The following PPM1L variants were observed in gnomAD, a reference collection of about 807,000 sequenced individuals.
The protein encoded by PPM1L is protein phosphatase 1L.
A neutral mutation model predicts 31.4 loss-of-function variants in PPM1L; 13 were observed. The ratio of observed to expected loss-of-function variants is 0.41; its 90% CI spans 0.27 to 0.66. PPM1L has a LOEUF of 0.66. Among genes scored for constraint, PPM1L ranks in the 30% least tolerant of loss-of-function variants. PPM1L has a pLI of 0.29. For missense variants in PPM1L, 326 were observed against 453.7 expected (o/e 0.72, Z 2.56); for synonymous variants, 184 against 175.4 (o/e 1.05, Z -0.39).
At chr3:160,988,391 T>C (rs1229461069) in intron 2 of PPM1L, among the ~76,000 whole-genome samples, 7 of 152,190 alleles carry the variant, frequency 4.6e-5, no homozygotes, top group African/African-American at 1.4e-4. Flanking sequence ...CACTTCACAG[T>C]TGCTATAGAT....
intron 1 of PPM1L, among the ~76,000 whole-genome samples, chr3:160,836,447 T>C (rs902261101): frequency 6.6e-6 from 1 of 152,206 alleles, no homozygotes; most frequent in Non-Finnish European, 1.5e-5. Context: ...AAGAAGGCTC[T>C]TGTGCTTTTG....
rs1559948333 is a variant in PPM1L, at chr3:161,078,198, A to AG, written c.*9042dup. The AG allele has an allele frequency of 6.6e-6, 1 of 152,248 alleles. No homozygotes were observed. Among genetic ancestry groups the AG allele is most frequent in the East Asian group, 1.9e-4 (1 of 5,204 alleles). 9.4% of individuals were successfully genotyped at this position (152,248 alleles called of 1,614,324 possible). The stretch of plus-strand genomic sequence containing the variant: ...AGTTATTAAGGATGGAAAGGAGGAA[A>AG]GCACAGAGTGAGGAGAGAAAAAGGG... On this transcript the variant is annotated 3_prime_UTR_variant, in exon 4 of 4. Transcript: ENST00000498165.
chr3:160,860,764 G>A (rs958743291), intron 1 of PPM1L, among the ~76,000 whole-genome samples: 1 of 152,156 alleles, frequency 6.6e-6, no homozygotes, highest in African/African-American at 2.4e-5. Context: ...TGGCAGATCT[G>A]GTGTCTGATG....
intron 1 of PPM1L, among the ~76,000 whole-genome samples, chr3:160,857,678 C>A (rs556415771): frequency 1.3e-5 from 2 of 152,170 alleles, no homozygotes; most frequent in South Asian, 4.2e-4. Context: ...AGGCATGGTG[C>A]CTGCTCTTAA....
intron 1 of PPM1L, among the ~76,000 whole-genome samples, chr3:160,943,246 A>T (rs898139377): frequency 6.6e-6 from 1 of 152,196 alleles, no homozygotes; most frequent in Non-Finnish European, 1.5e-5. Flanking sequence ...TGTGTTCCCA[A>T]GGTAGCCCTA....
intron 1 of PPM1L, among the ~76,000 whole-genome samples, chr3:160,933,865 A>G (rs1401634856): frequency 2.0e-5 from 3 of 152,244 alleles, no homozygotes; most frequent in African/African-American, 7.2e-5. Context: ...TGAATTTAAA[A>G]TGACTGAATT....
intron 1 of PPM1L, among the ~76,000 whole-genome samples, chr3:160,814,741 A>G (rs978762798): frequency 4.7e-5 from 7 of 147,396 alleles, no homozygotes; most frequent in Non-Finnish European, 8.9e-5. Context: ...ATATGTATAT[A>G]TGTGTATATA....
At chr3:160,939,262 T>C (rs1715079727) in intron 1 of PPM1L, among the ~76,000 whole-genome samples, 2 of 152,178 alleles carry the variant, frequency 1.3e-5, no homozygotes, top group African/African-American at 4.8e-5. Flanking sequence ...TCCCTCCAGC[T>C]CTATAACTCT....
intron 2 of PPM1L, among the ~76,000 whole-genome samples, chr3:160,984,260 T>C (rs1243444131): frequency 6.6e-6 from 1 of 152,168 alleles, no homozygotes; most frequent in Non-Finnish European, 1.5e-5. Context: ...TCCAGGGCTG[T>C]TAATTATTAA....
intron 1 of PPM1L, among the ~76,000 whole-genome samples, chr3:160,918,173 T>C (rs1170458260): frequency 6.6e-6 from 1 of 152,248 alleles, no homozygotes; most frequent in African/African-American, 2.4e-5. Context: ...CATATGGTGA[T>C]TACCTGTTTA....
chr3:160,831,938 T>C (rs147384789), intron 1 of PPM1L, among the ~76,000 whole-genome samples: 1 of 152,352 alleles, frequency 6.6e-6, no homozygotes, highest in Non-Finnish European at 1.5e-5. Flanking sequence ...TGTATTGTTC[T>C]ACAAGTAGTA....
Position 160,805,673 on chromosome 3 carries a change from G to C in PPM1L, c.399+48966G>C, listed in dbSNP as rs558781215. 2.6e-5 allele frequency among the ~76,000 whole-genome samples: 4 copies of C among 152,286 alleles called. No individual in the cohort carries two copies. The South Asian group carries it at 8.3e-4, about 32-fold the overall frequency. Reference sequence around the variant, plus strand: ...GGAGACGGAGGTTGCAGTGAGCCGAGATCATGCCGTTGCACTCCAGCCTGG... The same window carrying C: ...GGAGACGGAGGTTGCAGTGAGCCGACATCATGCCGTTGCACTCCAGCCTGG... On this transcript the variant is annotated intron_variant, in intron 1 of 3. Coordinates refer to ENST00000498165, the MANE Select transcript of PPM1L (RefSeq NM_139245.4).
chr3:160,887,609 C>G lies in PPM1L; in HGVS notation c.400-74127C>G, dbSNP rs371896037. ...TTCTTTTTTTTTTTTGAGATGGAGTCTCGCTCTGTCACCCACGCTGGAGTG... is the reference window on the plus strand; with the variant it reads ...TTCTTTTTTTTTTTTGAGATGGAGTGTCGCTCTGTCACCCACGCTGGAGTG... On this transcript the variant is annotated intron_variant, in intron 1 of 3. Coordinates refer to ENST00000498165, the MANE Select transcript of PPM1L (RefSeq NM_139245.4). 2.1e-5 allele frequency among the ~76,000 whole-genome samples: 3 copies of G among 142,284 alleles called. No individual in the cohort carries two copies. The East Asian group carries it at 6.1e-4, about 29-fold the overall frequency. The allele number at this position is 142,284 out of a possible 152,430, so 93.3% of individuals were successfully genotyped here.
intron 1 of PPM1L, among the ~76,000 whole-genome samples, chr3:160,828,618 G>A (rs1261730414): frequency 6.6e-6 from 1 of 152,128 alleles, no homozygotes; most frequent in Non-Finnish European, 1.5e-5. Flanking sequence ...GGGGTGGGTA[G>A]AGACTGCAGG....
At chr3:160,879,091 A>C (rs1040367781) in intron 1 of PPM1L, among the ~76,000 whole-genome samples, 8 of 152,194 alleles carry the variant, frequency 5.3e-5, no homozygotes, top group South Asian at 2.1e-4. Context: ...GCAAAGAAAG[A>C]GAAGGCAAAC....
At chr3:161,010,103 A>G (rs1392897416) in intron 2 of PPM1L, among the ~76,000 whole-genome samples, 1 of 152,140 alleles carries the variant, frequency 6.6e-6, no homozygotes, top group African/African-American at 2.4e-5. Flanking sequence ...TGCTGCACCC[A>G]TTAACTCGTC....
chr3:160,861,476 T>C (rs1194540631), intron 1 of PPM1L, among the ~76,000 whole-genome samples: 1 of 152,150 alleles, frequency 6.6e-6, no homozygotes, highest in Non-Finnish European at 1.5e-5. Context: ...TATAGTGTAA[T>C]TATTTATTTA....
intron 1 of PPM1L, among the ~76,000 whole-genome samples, chr3:160,958,586 G>C (rs907471701): frequency 6.6e-6 from 1 of 152,154 alleles, no homozygotes; most frequent in African/African-American, 2.4e-5. Context: ...GGGAAAAAAT[G>C]TTATTAAATT....
In PPM1L at chr3:160,931,384, A is replaced by G. The variant is rs1206748872; in HGVS notation, c.400-30352A>G. Among the ~76,000 whole-genome samples, 3 of 152,198 alleles carry G rather than the reference A, an allele frequency of 2.0e-5. No individual in the cohort carries two copies. The East Asian group carries it at 5.8e-4, about 29-fold the overall frequency. The stretch of plus-strand genomic sequence containing the variant: ...GCTGCACCCATCACCTGGAATCCAC[A>G]CGTCCTCATTTATCCATTTAGTTCA... On this transcript the variant is annotated intron_variant, in intron 1 of 3. Transcript: ENST00000498165.
Sources: gnomAD v4.1 joint callset for allele counts (sites outside exome capture counted in the v4.1 genomes callset) on GRCh38, gnomAD v4.1.1 for gene constraint, MANE v1.5 for transcripts, NCBI Gene and HGNC (gene_info 2026-07-23, HGNC 2026-07-21) for gene names.